Variants in LRP5 observed in about 807,000 individuals in gnomAD.
The protein encoded by LRP5 is low-density lipoprotein receptor-related protein 5.
A neutral mutation model predicts 154.1 loss-of-function variants in LRP5; 62 were observed. That is an observed-to-expected ratio of 0.40 (90% CI 0.33 to 0.50). LRP5 has a LOEUF of 0.50. Ranked by LOEUF, LRP5 falls within the 20% of genes least tolerant of loss-of-function variation. LRP5 has a pLI of 0.55. For synonymous variants in LRP5, 966 were observed against 1,011.5 expected (o/e 0.96, Z 0.85); for missense variants, 1,915 against 2,336.7 (o/e 0.82, Z 3.72).
Position 68,348,070 on chromosome 11 carries a change from C to T in LRP5, c.315C>T (p.Ser105=), listed in dbSNP as rs767954187. ...CCGCCGTGCAGAACGTGGTCATCTC[C>T]GGCCTGGTCTCTCCCGACGGCCTCG... ...TGAAVQNVVI[S]GLVSPDGLAC... Residue 105 remains serine, a synonymous_variant, in exon 2 of 23, where the codon TCC becomes TCT. Coordinates refer to ENST00000294304, the MANE Select transcript of LRP5 (RefSeq NM_002335.4). 56 of 1,614,024 alleles carry T rather than the reference C, an allele frequency of 3.5e-5. No individual in the cohort carries two copies. Among genetic ancestry groups the T allele is most frequent in the African/African-American group, 5.3e-5 (4 of 74,934 alleles).
At chr11:68,330,865 G>C (rs1293650269) in intron 1 of LRP5, among the ~76,000 whole-genome samples, 1 of 152,236 alleles carries the variant, frequency 6.6e-6, no homozygotes, top group Non-Finnish European at 1.5e-5. Context: ...CCAGGGAGGG[G>C]AGCATGCCAA....
At chr11:68,368,161 T>C (rs1362499917) in intron 5 of LRP5, among the ~76,000 whole-genome samples, 1 of 151,758 alleles carries the variant, frequency 6.6e-6, no homozygotes, top group African/African-American at 2.4e-5. Flanking sequence ...AGAAAATATC[T>C]GAGAAGAAAG....
chr11:68,421,781 G>T (rs1293448859), intron 13 of LRP5, among the ~76,000 whole-genome samples: 6 of 132,502 alleles, frequency 4.5e-5, no homozygotes, highest in East Asian at 2.1e-4. Context: ...TCCATCTGGG[G>T]GTGTGTGTGT....
chr11:68,414,802 A>C (rs530304862), intron 12 of LRP5, among the ~76,000 whole-genome samples: 1 of 152,068 alleles, frequency 6.6e-6, no homozygotes, highest in South Asian at 2.1e-4. Flanking sequence ...ATGGATGGGG[A>C]ACTTGAGGCT....
chr11:68,385,182 T>C (rs1025495765), intron 5 of LRP5, among the ~76,000 whole-genome samples: 56 of 152,352 alleles, frequency 3.7e-4, no homozygotes, highest in African/African-American at 1.3e-3. Flanking sequence ...TCCCCAGCTG[T>C]GTCCAGCCTG....
intron 5 of LRP5, among the ~76,000 whole-genome samples, chr11:68,384,516 C>T (rs1040356464): frequency 5.9e-5 from 9 of 152,142 alleles, no homozygotes; most frequent in East Asian, 3.9e-4. Flanking sequence ...AATGAGTAGA[C>T]GATGCCCTAA....
chr11:68,311,981 G>T (rs1055665811), upstream of LRP5, among the ~76,000 whole-genome samples: 1 of 152,254 alleles, frequency 6.6e-6, no homozygotes, highest in African/African-American at 2.4e-5. Flanking sequence ...GCTTGTTGAA[G>T]GACTCAAAGG....
chr11:68,373,657 C>T (rs1245731550), intron 5 of LRP5, among the ~76,000 whole-genome samples: 5 of 152,216 alleles, frequency 3.3e-5, no homozygotes, highest in Non-Finnish European at 7.3e-5. Context: ...GGGCCTCCGG[C>T]CTCCCCACCC....
Position 68,389,712 on chromosome 11 carries a change from C to T in LRP5, c.1413-169C>T, listed in dbSNP as rs73513074. ...AGCATCTACTGACACTGATGTTTACCAACACCGACATTTACGAGCACCGAC... is the reference window on the plus strand; with the variant it reads ...AGCATCTACTGACACTGATGTTTACTAACACCGACATTTACGAGCACCGAC... On this transcript the variant is annotated intron_variant, in intron 6 of 22. Coordinates refer to ENST00000294304, the MANE Select transcript of LRP5 (RefSeq NM_002335.4). Among the ~76,000 whole-genome samples, 577 of 152,334 alleles carry T rather than the reference C, an allele frequency of 3.8e-3. 7 individuals carry two copies. The highest frequency in any genetic ancestry group is 0.014 in the African/African-American group (564 of 41,550).
chr11:68,307,045 G>A, the LRP5 span, among the ~76,000 whole-genome samples: 6 of 152,224 alleles, frequency 3.9e-5, no homozygotes, highest in Non-Finnish European at 7.3e-5. Flanking sequence ...AGCCGGGTGT[G>A]GTGGCGCATG....
intron 1 of LRP5, among the ~76,000 whole-genome samples, chr11:68,346,823 G>A (rs1400166257): frequency 1.3e-5 from 2 of 152,208 alleles, no homozygotes; most frequent in Admixed American, 1.3e-4. Context: ...CACATCTTGT[G>A]TTCACTCCTC....
At chr11:68,437,676 G>T (rs2098675767) in intron 19 of LRP5, among the ~76,000 whole-genome samples, 1 of 152,206 alleles carries the variant, frequency 6.6e-6, no homozygotes, top group Non-Finnish European at 1.5e-5. Context: ...GAAGTCTGTT[G>T]GGGGGAGAAG....
chr11:68,332,832 A>G (rs959224344), intron 1 of LRP5, among the ~76,000 whole-genome samples: 1 of 152,104 alleles, frequency 6.6e-6, no homozygotes, highest in Admixed American at 6.5e-5. Context: ...TTGGTGGGAT[A>G]TAGATGGTTC....
intron 5 of LRP5, among the ~76,000 whole-genome samples, chr11:68,367,907 T>G (rs540052908): frequency 6.6e-6 from 1 of 152,020 alleles, no homozygotes; most frequent in African/African-American, 2.4e-5. Flanking sequence ...CTACTAAAAA[T>G]ATAAAAATTA....
chr11:68,391,728 C>T (rs1003519903), intron 7 of LRP5, among the ~76,000 whole-genome samples: 3 of 152,216 alleles, frequency 2.0e-5, no homozygotes, highest in Non-Finnish European at 2.9e-5. Context: ...CCCATGTTTG[C>T]GGGCCGCTGA....
intron 1 of LRP5, among the ~76,000 whole-genome samples, chr11:68,343,038 G>A (rs536985501): frequency 2.0e-5 from 3 of 152,308 alleles, no homozygotes; most frequent in Non-Finnish European, 2.9e-5. Flanking sequence ...GCCTTTACCC[G>A]GGTTCCCCTC....
chr11:68,432,131 C>CCCTGG (rs2098672291), intron 17 of LRP5, among the ~76,000 whole-genome samples: 2 of 152,234 alleles, frequency 1.3e-5, no homozygotes, highest in South Asian at 4.1e-4. Flanking sequence ...GCCGGGCGCG[C>CCCTGG]CCCTGGCTCT....
chr11:68,401,498 C>T lies in LRP5; in HGVS notation c.1585-1985C>T, dbSNP rs1191547666. 3.9e-5 allele frequency among the ~76,000 whole-genome samples: 6 copies of T among 152,258 alleles called. No homozygotes were observed. The Middle Eastern group carries it at 0.01, about 259-fold the overall frequency. ...TAATTGCTCCAGGTTGGGGCCAGGC[C>T]GTTGTTTGCTGTTTTGTTGTTTCTT... On this transcript the variant is annotated intron_variant, in intron 7 of 22. Transcript: ENST00000294304.
rs760362830 is a variant in LRP5 at position 68,357,697 on chromosome 11, C to G, written c.536C>G (p.Ala179Gly). 1.9e-6 allele frequency: 3 copies of G among 1,614,158 alleles called. No individual in the cohort carries two copies. The South Asian group carries it at 3.3e-5, about 18-fold the overall frequency. Reference protein sequence around the residue: ...DWGETPRIERAGMDGSTRKII... With the variant: ...DWGETPRIERGGMDGSTRKII... ...GGTGAGACGCCCCGGATTGAGCGGG[C>G]AGGGATGGATGGCAGCACCCGGAAG... is the stretch of plus-strand genomic sequence containing the variant. Residue 179 changes from alanine to glycine, a missense_variant, in exon 3 of 23, where the codon GCA becomes GGA. Around this residue, in one of 3 missense-constraint regions of LRP5, gnomAD observed 773 missense variants for 1,100.9 expected, o/e 0.70. Transcript: ENST00000294304.
Sources: gnomAD v4.1 joint callset for allele counts (sites outside exome capture counted in the v4.1 genomes callset) on GRCh38, gnomAD v4.1.1 for gene constraint, gnomAD v4.1.1 regional missense constraint, MANE v1.5 for transcripts, NCBI Gene and HGNC (gene_info 2026-07-23, HGNC 2026-07-21) for gene names.